Variants in CELF2 observed in about 807,000 individuals in gnomAD.
The protein encoded by CELF2 is CUGBP Elav-like family member 2, also known as CUG triplet repeat RNA-binding protein 2.
Under a neutral mutation model 62.6 loss-of-function variants are expected in CELF2, and 8 were observed. The ratio of observed to expected loss-of-function variants is 0.13; its 90% CI spans 0.07 to 0.23. CELF2 has a LOEUF of 0.23. CELF2 is among the 10% of genes least tolerant of loss of function. The pLI is 1.00. For missense variants in CELF2, 333 were observed against 671.0 expected, an observed-to-expected ratio of 0.50 and a Z score of 5.56; for synonymous variants, 258 against 250.0, an observed-to-expected ratio of 1.03 and a Z score of -0.30.
At position 11,336,408 on chromosome 10, in the gene CELF2, A is replaced by G. The variant is rs186028210; in HGVS notation, c.*7355A>G. The stretch of plus-strand genomic sequence containing the variant: ...GAAACGTTTCTATTGAGTGAAAATG[A>G]TATCTTAACAAAATCTATGCACTTG... On this transcript the variant is annotated 3_prime_UTR_variant, in exon 13 of 13. Coordinates refer to ENST00000633077, the MANE Select transcript of CELF2 (RefSeq NM_001326342.2). This position sits in a 1 kb window ranked among gnomAD's most constrained non-coding sequence, Gnocchi z 5.4. The G allele has an allele frequency of 2.4e-4, 36 of 152,770 alleles. No individual in the cohort carries two copies. Among genetic ancestry groups the G allele is most frequent in the African/African-American group, 8.7e-4 (36 of 41,568 alleles). The allele number at this position is 152,770 out of a possible 1,614,324, so 9.5% of individuals were successfully genotyped here. A position where few individuals can be genotyped will look rare whatever the true frequency, so the allele number is the denominator to read the frequency against.
the CELF2 span, among the ~76,000 whole-genome samples, chr10:10,788,590 G>T: frequency 6.7e-6 from 1 of 148,846 alleles, no homozygotes; most frequent in Admixed American, 6.9e-5. Context: ...TCCCTCCCAA[G>T]TAGCTGGGAT....
chr10:11,173,310 C>T (rs1385571392), intron 2 of CELF2, among the ~76,000 whole-genome samples: 3 of 152,174 alleles, frequency 2.0e-5, no homozygotes, highest in Non-Finnish European at 4.4e-5. Flanking sequence ...ACACACATTG[C>T]CTCAGAGCTG....
At chr10:10,772,559 G>A in the CELF2 span, among the ~76,000 whole-genome samples, 3 of 152,186 alleles carry the variant, frequency 2.0e-5, no homozygotes, top group East Asian at 1.9e-4. Flanking sequence ...ATTAGGGTCC[G>A]AGTCAATGAG....
chr10:11,231,759 C>T (rs1589482542), intron 3 of CELF2, among the ~76,000 whole-genome samples: 1 of 145,480 alleles, frequency 6.9e-6, no homozygotes, highest in Non-Finnish European at 1.5e-5. Flanking sequence ...GCTTTCCAAA[C>T]AACGGGACTC....
the CELF2 span, among the ~76,000 whole-genome samples, chr10:10,533,047 T>C: frequency 6.6e-6 from 1 of 152,222 alleles, no homozygotes; most frequent in South Asian, 2.1e-4. Flanking sequence ...TATTTCAGAA[T>C]GCTGGGTTTG....
At chr10:11,086,718 G>A (rs947953139) in intron 1 of CELF2, among the ~76,000 whole-genome samples, 5 of 150,350 alleles carry the variant, frequency 3.3e-5, no homozygotes, top group East Asian at 4.1e-4. Flanking sequence ...ATTATTTCCC[G>A]TAATAGATAA....
chr10:10,797,655 A>G (rs1224001199), upstream of CELF2, among the ~76,000 whole-genome samples: 1 of 152,186 alleles, frequency 6.6e-6, no homozygotes, highest in Non-Finnish European at 1.5e-5. Context: ...CTGGCCAGCC[A>G]TGGTCCGGAA....
rs1591748099 is a variant in CELF2, at chr10:11,331,378, G to A, written c.*2325G>A. 1 of 146,440 alleles carries A rather than the reference G, an allele frequency of 6.8e-6. No individual in the cohort carries two copies. 9.1% of individuals were successfully genotyped at this position (146,440 alleles called of 1,614,324 possible). A position where few individuals can be genotyped will look rare whatever the true frequency, so the allele number is the denominator to read the frequency against. On this transcript the variant is annotated 3_prime_UTR_variant, in exon 13 of 13. Transcript: ENST00000633077. ...AAAAACCTATTCCAGAATAAGTTTT[G>A]TGTTGGCTTGTGAAGCATTGATGTC... is the stretch of plus-strand genomic sequence containing the variant.
chr10:10,472,636 T>C, the CELF2 span, among the ~76,000 whole-genome samples: 88,653 of 151,664 alleles, frequency 0.58, 26,013 homozygotes, highest in Admixed American at 0.65. Flanking sequence ...TAATTTTGAG[T>C]TGTAAACTAG....
intron 1 of CELF2, among the ~76,000 whole-genome samples, chr10:11,062,939 AC>A (rs34216576): frequency 0.68 from 102,390 of 151,192 alleles, 35,994 homozygotes; most frequent in African/African-American, 0.88. Flanking sequence ...CTTCAGCAGC[AC>A]CCCCCCCGCC....
chr10:10,948,447 C>G (rs2047940840), intron 2 of CELF2: 2 of 152,214 alleles, frequency 1.3e-5, no homozygotes, highest in African/African-American at 4.8e-5. Context: ...GGGCTGCTGT[C>G]AAAGCCACAC....
At chr10:10,619,877 G>A in the CELF2 span, among the ~76,000 whole-genome samples, 7 of 152,198 alleles carry the variant, frequency 4.6e-5, no homozygotes, top group East Asian at 1.2e-3. Context: ...TTGGCTTGTC[G>A]GTAATGACAG....
rs952650371 is a variant in CELF2, at chr10:11,303,877, C to T, written c.977-10262C>T. The stretch of plus-strand genomic sequence containing the variant: ...TGCCACTGAGAGTTGTGTGACCTTC[C>T]GCACGCGACTTCACTTCACAGGATA... On this transcript the variant is annotated intron_variant, in intron 9 of 12. Transcript: ENST00000633077. 2.6e-5 allele frequency among the ~76,000 whole-genome samples: 4 copies of T among 152,298 alleles called. No individual in the cohort carries two copies. In the East Asian group the frequency reaches 5.8e-4, roughly 22 times the overall value.
intron 1 of CELF2, among the ~76,000 whole-genome samples, chr10:10,809,666 T>G (rs1448268842): frequency 1.3e-5 from 2 of 152,224 alleles, no homozygotes; most frequent in Non-Finnish European, 2.9e-5. Flanking sequence ...GAATATCCAT[T>G]ATTTAATTTA....
the CELF2 span, among the ~76,000 whole-genome samples, chr10:10,488,863 A>G: frequency 6.6e-6 from 1 of 152,122 alleles, no homozygotes. Context: ...AACCAATGCA[A>G]GAAGGAGCTT....
the CELF2 span, among the ~76,000 whole-genome samples, chr10:10,616,305 T>G: frequency 7.2e-6 from 1 of 138,158 alleles, no homozygotes; most frequent in Non-Finnish European, 1.5e-5. Flanking sequence ...GGTGTGTGTG[T>G]GTGTGTGTGT....
At chr10:10,732,806 G>A in the CELF2 span, among the ~76,000 whole-genome samples, 28,835 of 152,064 alleles carry the variant, frequency 0.19, 3,348 homozygotes, top group Non-Finnish European at 0.26. Flanking sequence ...TTACAGGCGT[G>A]AGCCACCACG....
Position 11,180,134 on chromosome 10 carries a change from G to C in CELF2, c.271+14452G>C, listed in dbSNP as rs572484610. Among the ~76,000 whole-genome samples the C allele has an allele frequency of 2.6e-5, 4 of 152,222 alleles. No homozygotes were observed. The East Asian group carries it at 5.8e-4, about 22-fold the overall frequency. The stretch of plus-strand genomic sequence containing the variant: ...TTCTAAATTGTAAAACTCCATACCC[G>C]TCTGAGCCATGATGTCTGGTTCTGT... On this transcript the variant is annotated intron_variant, in intron 2 of 12. Transcript: ENST00000633077.
At position 10,963,452 on chromosome 10, in the gene CELF2, G is replaced by A. The variant is rs539444015; in HGVS notation, c.89+43453G>A. On this transcript the variant is annotated intron_variant, in intron 2 of 13. Coordinates refer to the CELF2 transcript ENST00000636488. ...TGCTCTTCTTAACGGGGCCTTTAAC[G>A]TCTCTCACCACTGACGGTTAGAGCT... is the stretch of plus-strand genomic sequence containing the variant. Among the ~76,000 whole-genome samples the A allele has an allele frequency of 5.9e-5, 9 of 152,234 alleles. No homozygotes were observed. The South Asian group carries it at 1.9e-3, about 32-fold the overall frequency.
Sources: gnomAD v4.1 joint callset for allele counts (sites outside exome capture counted in the v4.1 genomes callset) on GRCh38, gnomAD v4.1.1 for gene constraint, Gnocchi (gnomAD v3.1) non-coding constraint, MANE v1.5 for transcripts, NCBI Gene and HGNC (gene_info 2026-07-23, HGNC 2026-07-21) for gene names.